The following SLC35F1 variants were observed in gnomAD, a reference collection of about 807,000 sequenced individuals.
SLC35F1 encodes chromosome 6 open reading frame 169.
SLC35F1 carries 14 observed loss-of-function variants against 48.7 expected under a neutral mutation model. That is an observed-to-expected ratio of 0.29 (90% confidence interval 0.19 to 0.45). SLC35F1 has a LOEUF of 0.45. SLC35F1 is among the 20% of genes least tolerant of loss of function. SLC35F1 has a pLI of 1.00. For synonymous variants in SLC35F1, 190 were observed against 202.2 expected, an observed-to-expected ratio of 0.94 and a Z score of 0.51; for missense variants, 404 against 500.0, an observed-to-expected ratio of 0.81 and a Z score of 1.83.
chr6:118,314,236 A>G lies in SLC35F1; in HGVS notation c.1211A>G (p.His404Arg). ...GGCCAGGAGACCGAAGAGGAGCCTCATGTTCGTGTGGCCTAGGGTGAGGCC... is the reference window on the plus strand; with the variant it reads ...GGCCAGGAGACCGAAGAGGAGCCTCGTGTTCGTGTGGCCTAGGGTGAGGCC... ...SLGQETEEEPHVRVA is the reference protein window; with the variant it reads ...SLGQETEEEPRVRVA The change falls in exon 8 of 8, where the codon CAT becomes CGT. Residue 404 changes from histidine (H) to arginine (R), a missense_variant. Physicochemically the swap from His to Arg is conservative, Grantham distance 29. Transcript: ENST00000360388. 2 of 1,613,400 alleles carry G rather than the reference A, an allele frequency of 1.2e-6. No individual in the cohort carries two copies. Among genetic ancestry groups the G allele is most frequent in the Non-Finnish European group, 1.7e-6 (2 of 1,179,358 alleles).
chr6:118,212,790 G>GAGAGAGA (rs1775023213), intron 2 of SLC35F1, among the ~76,000 whole-genome samples: 1 of 139,524 alleles, frequency 7.2e-6, no homozygotes, highest in South Asian at 2.4e-4. Flanking sequence ...AAGGAAGGAA[G>GAGAGAGA]GAAAGAAGGA....
intron 2 of SLC35F1, among the ~76,000 whole-genome samples, chr6:118,233,375 G>A (rs1357490781): frequency 6.6e-6 from 1 of 152,216 alleles, no homozygotes; most frequent in Non-Finnish European, 1.5e-5. Context: ...TGTAAGGCAA[G>A]TCAGAGAGGC....
intron 1 of SLC35F1, among the ~76,000 whole-genome samples, chr6:117,981,392 G>A (rs1297930272): frequency 6.6e-6 from 1 of 152,092 alleles, no homozygotes; most frequent in Non-Finnish European, 1.5e-5. Flanking sequence ...TGAGAGTAGA[G>A]TTCTTAGAAC....
chr6:118,216,091 T>TTG (rs1775068844), intron 2 of SLC35F1, among the ~76,000 whole-genome samples: 3 of 147,188 alleles, frequency 2.0e-5, no homozygotes, highest in Non-Finnish European at 3.0e-5. Context: ...TTTTTGTTTT[T>TTG]TTTTTTTTGA....
intron 1 of SLC35F1, among the ~76,000 whole-genome samples, chr6:118,066,243 A>G (rs1248410183): frequency 2.0e-5 from 3 of 152,232 alleles, no homozygotes; most frequent in Non-Finnish European, 2.9e-5. Context: ...CAGTTGAAAT[A>G]TCATCAGAGT....
At chr6:118,062,980 G>A (rs1306103004) in intron 1 of SLC35F1, among the ~76,000 whole-genome samples, 1 of 152,008 alleles carries the variant, frequency 6.6e-6, no homozygotes, top group Non-Finnish European at 1.5e-5. Flanking sequence ...CTGGAATTTT[G>A]GGGGTATGTT....
chr6:118,314,917 T>C lies in SLC35F1; in HGVS notation c.*665T>C, dbSNP rs963017050. 2 of 153,216 alleles carry C rather than the reference T, an allele frequency of 1.3e-5. No individual in the cohort carries two copies. The highest frequency in any genetic ancestry group is 2.9e-5 in the Non-Finnish European group (2 of 68,486). 9.5% of individuals were successfully genotyped at this position (153,216 alleles called of 1,614,324 possible). ...AAGAAACATTTTAGCCTTTTTATATTTCGATCTCTGATTACTCCAGGCCAT... is the reference window on the plus strand; with the variant it reads ...AAGAAACATTTTAGCCTTTTTATATCTCGATCTCTGATTACTCCAGGCCAT... On this transcript the variant is annotated 3_prime_UTR_variant, in exon 8 of 8. Coordinates refer to ENST00000360388, the MANE Select transcript of SLC35F1 (RefSeq NM_001029858.4).
At chr6:118,049,983 A>T (rs1174817368) in intron 1 of SLC35F1, among the ~76,000 whole-genome samples, 1 of 152,184 alleles carries the variant, frequency 6.6e-6, no homozygotes, top group Non-Finnish European at 1.5e-5. Context: ...CAACAACGAT[A>T]GACTGGATTA....
At chr6:118,086,346 G>A (rs1019109388) in intron 1 of SLC35F1, among the ~76,000 whole-genome samples, 2 of 152,162 alleles carry the variant, frequency 1.3e-5, no homozygotes, top group Non-Finnish European at 2.9e-5. Flanking sequence ...TTTCTCAAAG[G>A]TCAGTGTCAG....
chr6:118,134,143 A>G (rs1041404903), intron 1 of SLC35F1, among the ~76,000 whole-genome samples: 3 of 152,232 alleles, frequency 2.0e-5, no homozygotes, highest in Admixed American at 1.3e-4. Flanking sequence ...AGAAAACAGC[A>G]CATCAGAAAA....
chr6:118,230,426 A>G (rs1056088715), intron 2 of SLC35F1, among the ~76,000 whole-genome samples: 3 of 152,172 alleles, frequency 2.0e-5, no homozygotes, highest in African/African-American at 7.2e-5. Flanking sequence ...CTATCAGTGG[A>G]AGATTGAATA....
At chr6:117,988,455 A>G (rs993909327) in intron 1 of SLC35F1, among the ~76,000 whole-genome samples, 1 of 152,232 alleles carries the variant, frequency 6.6e-6, no homozygotes, top group Non-Finnish European at 1.5e-5. Context: ...GAACACCAGT[A>G]GGATGACAAA....
At chr6:118,237,109 A>G (rs534907352) in intron 3 of SLC35F1, among the ~76,000 whole-genome samples, 15 of 152,280 alleles carry the variant, frequency 9.9e-5, no homozygotes, top group African/African-American at 3.6e-4. Context: ...TCTATTCTCT[A>G]TACATTGTCA....
At chr6:118,115,811 G>GAATTGCACAC (rs1479049763) in intron 1 of SLC35F1, among the ~76,000 whole-genome samples, 2 of 152,108 alleles carry the variant, frequency 1.3e-5, no homozygotes, top group African/African-American at 4.8e-5. Flanking sequence ...CAAAATGACA[G>GAATTGCACAC]AATTGCACTC....
intron 1 of SLC35F1, among the ~76,000 whole-genome samples, chr6:117,987,647 G>C (rs2114855147): frequency 6.6e-6 from 1 of 152,236 alleles, no homozygotes; most frequent in Middle Eastern, 3.4e-3. Flanking sequence ...AATGGCATGG[G>C]GGTGGTGTAG....
At chr6:118,103,915 T>C (rs534499741) in intron 1 of SLC35F1, among the ~76,000 whole-genome samples, 1 of 152,342 alleles carries the variant, frequency 6.6e-6, no homozygotes, top group South Asian at 2.1e-4. Flanking sequence ...TCTCAGAGTT[T>C]GCAGTAGGTT....
Position 118,267,739 on chromosome 6 carries a change from C to T in SLC35F1, c.637+585C>T, listed in dbSNP as rs550588520. On this transcript the variant is annotated intron_variant, in intron 4 of 7. Transcript: ENST00000360388. Reference sequence around the variant, plus strand: ...CACACATGGTTTTTAATTTGCTTTGCGAGGAGGGGTTATTGGTATCAATTA... The same window carrying T: ...CACACATGGTTTTTAATTTGCTTTGTGAGGAGGGGTTATTGGTATCAATTA... Among the ~76,000 whole-genome samples the T allele has an allele frequency of 3.3e-5, 5 of 152,148 alleles. No homozygotes were observed. The South Asian group carries it at 6.2e-4, about 19-fold the overall frequency.
chr6:117,990,055 T>G (rs574163524), intron 1 of SLC35F1, among the ~76,000 whole-genome samples: 1 of 152,272 alleles, frequency 6.6e-6, no homozygotes, highest in East Asian at 1.9e-4. Context: ...CTTGAATATC[T>G]GATTCCAAAT....
intron 1 of SLC35F1, among the ~76,000 whole-genome samples, chr6:118,033,661 A>G (rs1271409053): frequency 6.8e-6 from 1 of 147,930 alleles, no homozygotes; most frequent in African/African-American, 2.5e-5. Flanking sequence ...ATTTCTCTAT[A>G]TTGTAATGAT....
Sources: allele counts gnomAD v4.1 joint callset (sites outside exome capture counted in the v4.1 genomes callset), GRCh38; gene constraint gnomAD v4.1.1; transcripts MANE v1.5; gene names NCBI Gene and HGNC (gene_info 2026-07-23, HGNC 2026-07-21).